The following GLCE variants were observed in gnomAD, a reference collection of about 807,000 sequenced individuals.
GLCE encodes glucuronic acid epimerase, also known as D-glucuronyl C5-epimerase.
Under a neutral mutation model 47.9 loss-of-function variants are expected in GLCE, and 19 were observed. That is an observed-to-expected ratio of 0.40 (90% CI 0.28 to 0.58). The LOEUF (loss-of-function observed/expected upper bound fraction) is 0.58. Ranked by LOEUF, GLCE falls within the 20% of genes least tolerant of loss-of-function variation. GLCE has a pLI of 0.48. For synonymous variants in GLCE, 245 were observed against 263.4 expected, an observed-to-expected ratio of 0.93 and a Z score of 0.68; for missense variants, 556 against 743.3, an observed-to-expected ratio of 0.75 and a Z score of 2.93.
intron 4 of GLCE, among the ~76,000 whole-genome samples, chr15:69,263,287 A>G (rs1027312274): frequency 6.6e-6 from 1 of 152,180 alleles, no homozygotes; most frequent in Admixed American, 6.5e-5. Flanking sequence ...GGTATGAGAA[A>G]TGAGGCTTTT....
chr15:69,172,328 C>T (rs900693728), intron 1 of GLCE, among the ~76,000 whole-genome samples: 3 of 152,196 alleles, frequency 2.0e-5, no homozygotes, highest in African/African-American at 7.2e-5. Context: ...AAAGAAGGCA[C>T]TGATCACTAG....
chr15:69,168,154 C>T (rs886118893), intron 1 of GLCE, among the ~76,000 whole-genome samples: 4 of 151,970 alleles, frequency 2.6e-5, no homozygotes, highest in East Asian at 3.9e-4. Context: ...GTGTAAGAGC[C>T]GGACACGGTG....
chr15:69,173,861 A>G (rs1010955248), intron 1 of GLCE, among the ~76,000 whole-genome samples: 13 of 152,006 alleles, frequency 8.6e-5, no homozygotes, highest in African/African-American at 3.1e-4. Context: ...ATTTAACTAG[A>G]TTTTTTATTT....
chr15:69,258,736 A>G (rs1424703320), intron 3 of GLCE, among the ~76,000 whole-genome samples: 1 of 152,230 alleles, frequency 6.6e-6, no homozygotes, highest in Non-Finnish European at 1.5e-5. Flanking sequence ...TGTTACAAAC[A>G]ATCCAGTAAT....
Position 69,269,300 on chromosome 15 carries a change from T to C in GLCE, c.*56T>C. On this transcript the variant is annotated 3_prime_UTR_variant, in exon 5 of 5. Transcript: ENST00000261858. Reference sequence around the variant, plus strand: ...TGCTGTACACAGAAACTACAGGCTCTGTCTCAGGAGAGCATAGGCACATTT... The same window carrying C: ...TGCTGTACACAGAAACTACAGGCTCCGTCTCAGGAGAGCATAGGCACATTT... The C allele has an allele frequency of 2.1e-6, 3 of 1,409,908 alleles. No homozygotes were observed. The East Asian group carries it at 6.8e-5, about 32-fold the overall frequency. 87.3% of individuals were successfully genotyped at this position (1,409,908 alleles called of 1,614,324 possible). A position where few individuals can be genotyped will look rare whatever the true frequency, so the allele number is the denominator to read the frequency against.
At chr15:69,162,947 G>A (rs975969514) in intron 1 of GLCE, among the ~76,000 whole-genome samples, 10 of 152,210 alleles carry the variant, frequency 6.6e-5, no homozygotes, top group Admixed American at 6.5e-4. Flanking sequence ...AGACAGATTA[G>A]GGATAATGTA....
At chr15:69,243,181 G>A (rs974689939) in intron 2 of GLCE, among the ~76,000 whole-genome samples, 2 of 151,984 alleles carry the variant, frequency 1.3e-5, no homozygotes, top group Non-Finnish European at 2.9e-5. Context: ...ACAAAAGTAT[G>A]TCAGGTAGGA....
intron 1 of GLCE, among the ~76,000 whole-genome samples, chr15:69,161,451 G>T (rs2051419169): frequency 6.6e-6 from 1 of 152,048 alleles, no homozygotes; most frequent in South Asian, 2.1e-4. Flanking sequence ...TTTCTGCTTT[G>T]CCCGGAGCGG....
At chr15:69,252,680 A>G (rs1309058092) in intron 2 of GLCE, among the ~76,000 whole-genome samples, 1 of 152,158 alleles carries the variant, frequency 6.6e-6, no homozygotes, top group Non-Finnish European at 1.5e-5. Flanking sequence ...GATAGGATAA[A>G]AAGCTTTATA....
At chr15:69,165,894 C>T (rs1334244423) in intron 1 of GLCE, among the ~76,000 whole-genome samples, 3 of 152,158 alleles carry the variant, frequency 2.0e-5, no homozygotes, top group Non-Finnish European at 1.5e-5. Flanking sequence ...ATCTTATTCT[C>T]TTGCCCTGTG....
chr15:69,203,489 A>G (rs1208705486), intron 1 of GLCE, among the ~76,000 whole-genome samples: 1 of 152,112 alleles, frequency 6.6e-6, no homozygotes, highest in Non-Finnish European at 1.5e-5. Context: ...TGGAGCAGTA[A>G]GCATACAGAT....
intron 2 of GLCE, among the ~76,000 whole-genome samples, chr15:69,217,011 G>A (rs2052316408): frequency 6.6e-6 from 1 of 152,070 alleles, no homozygotes; most frequent in Non-Finnish European, 1.5e-5. Context: ...TTTAGAATAA[G>A]CGTACCTCTT....
intron 1 of GLCE, among the ~76,000 whole-genome samples, chr15:69,173,079 G>C (rs1403414845): frequency 6.6e-6 from 1 of 152,110 alleles, no homozygotes; most frequent in African/African-American, 2.4e-5. Context: ...TCTGCAGTTG[G>C]TGAGTCAGTG....
chr15:69,182,286 T>C (rs2051760066), intron 1 of GLCE, among the ~76,000 whole-genome samples: 1 of 151,480 alleles, frequency 6.6e-6, no homozygotes, highest in South Asian at 2.1e-4. Flanking sequence ...TGTGTGTGTG[T>C]GTGTGTGTGT....
chr15:69,256,265 A>G lies in GLCE; in HGVS notation c.459A>G (p.Glu153=). Residue 153 remains glutamate (E), a synonymous_variant, in exon 3 of 5, where the codon GAA becomes GAG. Coordinates refer to ENST00000261858, the MANE Select transcript of GLCE (RefSeq NM_015554.3). The part of the protein sequence containing the change: ...VVQYDGYDRF[E]FSHSYSKVYA... ...AGTATGATGGCTATGATCGGTTTGA[A>G]TTCTCTCATAGCTATTCCAAAGTCT... 2 of 1,614,032 alleles carry G rather than the reference A, an allele frequency of 1.2e-6. No individual in the cohort carries two copies. Among genetic ancestry groups the G allele is most frequent in the South Asian group, 2.2e-5 (2 of 91,080 alleles).
At position 69,220,648 on chromosome 15, in the gene GLCE, GT is replaced by G. The variant is rs566097240; in HGVS notation, c.-14+10246del. On this transcript the variant is annotated intron_variant, in intron 2 of 4. Coordinates refer to ENST00000261858, the MANE Select transcript of GLCE (RefSeq NM_015554.3). ...TCGGTCGTTTGCTTTTTGTTGTTGA[GT>G]TTTAAAAGTTATCTATATATTCTGG... 2.4e-3 allele frequency among the ~76,000 whole-genome samples: 367 copies of G among 152,142 alleles called. 4 individuals carry two copies. The highest frequency in any genetic ancestry group is 8.6e-3 in the African/African-American group (358 of 41,530).
intron 2 of GLCE, among the ~76,000 whole-genome samples, chr15:69,219,077 A>G (rs1047043618): frequency 2.0e-5 from 3 of 152,120 alleles, no homozygotes; most frequent in African/African-American, 7.2e-5. Context: ...TGATAGTAAT[A>G]TAGTAATGTT....
intron 1 of GLCE, among the ~76,000 whole-genome samples, chr15:69,193,147 G>A (rs2051938575): frequency 6.6e-6 from 1 of 150,772 alleles, no homozygotes; most frequent in Non-Finnish European, 1.5e-5. Context: ...TTTCAATTCA[G>A]CAATGTTCCT....
intron 2 of GLCE, among the ~76,000 whole-genome samples, chr15:69,221,901 A>G (rs1348104793): frequency 6.7e-6 from 1 of 148,746 alleles, no homozygotes; most frequent in Non-Finnish European, 1.5e-5. Context: ...CCTGGCTTTT[A>G]GAGTTGCCAG....
Sources: allele counts gnomAD v4.1 joint callset (sites outside exome capture counted in the v4.1 genomes callset), GRCh38; gene constraint gnomAD v4.1.1; transcripts MANE v1.5; gene names NCBI Gene and HGNC (gene_info 2026-07-23, HGNC 2026-07-21).